The following GC variants were observed in gnomAD, a reference collection of about 807,000 sequenced individuals.
GC encodes the protein GC vitamin D binding protein, also known as vitamin D-binding protein.
In GC, 43 loss-of-function variants were observed where a neutral mutation model predicts 56.7. That is an observed-to-expected ratio of 0.76 (90% CI 0.59 to 0.98). The LOEUF is 0.98. Among genes scored for constraint, GC ranks in the 50% least tolerant of loss-of-function variants. The pLI is 0.00. For synonymous variants in GC, 216 were observed against 202.7 expected, an observed-to-expected ratio of 1.07 and a Z score of -0.56; for missense variants, 529 against 545.9, an observed-to-expected ratio of 0.97 and a Z score of 0.31.
intron 11 of GC, among the ~76,000 whole-genome samples, chr4:71,748,056 C>T (rs190094352): frequency 6.6e-6 from 1 of 152,230 alleles, no homozygotes; most frequent in Non-Finnish European, 1.5e-5. Context: ...CAGACTAATA[C>T]AGAATAAATT....
At chr4:71,784,974 A>T (rs1742798598), upstream of GC, among the ~76,000 whole-genome samples, 3 of 151,686 alleles carry the variant, frequency 2.0e-5, no homozygotes, top group South Asian at 6.2e-4. Flanking sequence ...TTGGAATTAG[A>T]TGAGTTCCAC....
At chr4:71,759,240 G>A (rs1432998196) in intron 6 of GC, among the ~76,000 whole-genome samples, 1 of 152,094 alleles carries the variant, frequency 6.6e-6, no homozygotes, top group Non-Finnish European at 1.5e-5. Flanking sequence ...TAATTCTGCA[G>A]TGAACATGGA....
intron 1 of GC, among the ~76,000 whole-genome samples, chr4:71,797,378 A>C (rs1743131318): frequency 6.6e-6 from 1 of 152,046 alleles, no homozygotes; most frequent in Admixed American, 6.5e-5. Context: ...TTGTTTACCT[A>C]CTCAAGCCTC....
intron 1 of GC, among the ~76,000 whole-genome samples, chr4:71,796,044 T>TCCCA (rs1743094625): frequency 6.6e-6 from 1 of 152,230 alleles, no homozygotes; most frequent in Non-Finnish European, 1.5e-5. Flanking sequence ...TGTGATGGTT[T>TCCCA]TCCATTTGTG....
In GC at chr4:71,741,855, T is replaced by A. The variant is rs1467603249; in HGVS notation, c.*41A>T. 1.4e-6 allele frequency: 1 copy of A among 703,004 alleles called. No individual in the cohort carries two copies. The highest frequency in any genetic ancestry group is 1.5e-5 in the South Asian group (1 of 67,610). The allele number at this position is 703,004 out of a possible 1,614,324, so 43.5% of individuals were successfully genotyped here. A position where few individuals can be genotyped will look rare whatever the true frequency, so the allele number is the denominator to read the frequency against. ...GGTCATCAGAGATCATTCCCCTGGG[T>A]GGCTCCAACTCTGGTCTATGAGAAT... On this transcript the variant is annotated 3_prime_UTR_variant, in exon 13 of 13. Coordinates refer to ENST00000273951, the MANE Select transcript of GC (RefSeq NM_000583.4).
intron 4 of GC, 125 bp downstream of exon 4, chr4:71,765,305 GAC>G: frequency 1.4e-6 from 1 of 730,272 alleles, no homozygotes; most frequent in Non-Finnish European, 2.4e-6. Context: ...TGTCTCAGAT[GAC>G]AGTCAAGTTA....
At chr4:71,759,055 G>T (rs141672264) in intron 6 of GC, among the ~76,000 whole-genome samples, 23 of 152,196 alleles carry the variant, frequency 1.5e-4, no homozygotes, top group African/African-American at 5.5e-4. Flanking sequence ...TTTCAGACTG[G>T]CATATTTCAC....
intron 6 of GC, among the ~76,000 whole-genome samples, chr4:71,761,146 C>T (rs1229366225): frequency 6.6e-6 from 1 of 152,070 alleles, no homozygotes; most frequent in East Asian, 1.9e-4. Flanking sequence ...AATGGCTTTG[C>T]CCAAAATGCT....
chr4:71,777,822 T>C (rs565311143), intron 1 of GC, among the ~76,000 whole-genome samples: 2 of 151,398 alleles, frequency 1.3e-5, no homozygotes, highest in Admixed American at 1.3e-4. Context: ...CACTCATAAA[T>C]GGGAGTCGAA....
At chr4:71,780,216 C>T (rs982098585) in intron 1 of GC, among the ~76,000 whole-genome samples, 3 of 151,946 alleles carry the variant, frequency 2.0e-5, no homozygotes, top group African/African-American at 7.2e-5. Flanking sequence ...TTCCTTACAC[C>T]TTATACAAAA....
At chr4:71,752,676 CT>C in intron 10 of GC, 26 bp from the exon 11 acceptor site, 1 of 1,594,152 alleles carries the variant, frequency 6.3e-7, no homozygotes, top group Non-Finnish European at 8.6e-7. Context: ...AATGTAAGGT[CT>C]TACTACATGT....
At chr4:71,785,753 A>T (rs1742817673), upstream of GC, among the ~76,000 whole-genome samples, 1 of 151,766 alleles carries the variant, frequency 6.6e-6, no homozygotes, top group African/African-American at 2.4e-5. Flanking sequence ...AAGTTAATTT[A>T]AAAATGTATT....
At chr4:71,779,447 A>G (rs906381994) in intron 1 of GC, among the ~76,000 whole-genome samples, 4 of 151,866 alleles carry the variant, frequency 2.6e-5, no homozygotes, top group Non-Finnish European at 4.4e-5. Flanking sequence ...ATATCTGGAC[A>G]ATCAATGTTC....
At chr4:71,746,355 C>A (rs925192389) in intron 11 of GC, 150 bp from the exon 12 acceptor site, 1 of 519,176 alleles carries the variant, frequency 1.9e-6, no homozygotes, top group South Asian at 3.0e-5. Context: ...TTTTTATTAG[C>A]CACCCTTTGC....
rs1743162171 is a variant in GC, at chr4:71,798,289, G to T, written c.21+5637C>A. On this transcript the variant is annotated intron_variant, in intron 1 of 13. Transcript: ENST00000504199. ...TTAATAAAAGCTGCTTTAAATCTTTGTCTACTACATACTGTGTTTGCAGCA... is the reference window on the plus strand; with the variant it reads ...TTAATAAAAGCTGCTTTAAATCTTTTTCTACTACATACTGTGTTTGCAGCA... Among the ~76,000 whole-genome samples the T allele has an allele frequency of 2.0e-5, 3 of 151,826 alleles. No individual in the cohort carries two copies. In the South Asian group the frequency reaches 6.2e-4, roughly 32 times the overall value.
chr4:71,780,818 A>G (rs907394597), intron 1 of GC, among the ~76,000 whole-genome samples: 1 of 152,128 alleles, frequency 6.6e-6, no homozygotes, highest in Admixed American at 6.6e-5. Context: ...ATTGCGGAAG[A>G]CAGTGTGACT....
At chr4:71,767,156 G>A (rs1450604389) in intron 3 of GC, among the ~76,000 whole-genome samples, 2 of 152,106 alleles carry the variant, frequency 1.3e-5, no homozygotes, top group Admixed American at 1.3e-4. Context: ...GACAGGTAAA[G>A]CAATTAATGG....
chr4:71,741,764 G>T lies in GC; in HGVS notation c.*132C>A. ...ATACTTGTCATTGTATGAAGATATT[G>T]TAGCTAGAAAAAGTAGAAAGTATCC... is the stretch of plus-strand genomic sequence containing the variant. On this transcript the variant is annotated 3_prime_UTR_variant, in exon 13 of 13. Coordinates refer to ENST00000273951, the MANE Select transcript of GC (RefSeq NM_000583.4). The T allele has an allele frequency of 1.4e-6, 1 of 696,932 alleles. No individual in the cohort carries two copies. Among genetic ancestry groups the T allele is most frequent in the East Asian group, 2.7e-5 (1 of 37,232 alleles). The allele number at this position is 696,932 out of a possible 1,614,324, so 43.2% of individuals were successfully genotyped here. A position where few individuals can be genotyped will look rare whatever the true frequency, so the allele number is the denominator to read the frequency against.
intron 11 of GC, among the ~76,000 whole-genome samples, chr4:71,747,590 A>G (rs1009128212): frequency 6.6e-6 from 1 of 152,196 alleles, no homozygotes; most frequent in African/African-American, 2.4e-5. Context: ...TTTAACAAGA[A>G]GGATATTGTT....
Sources: gnomAD v4.1 joint callset for allele counts (sites outside exome capture counted in the v4.1 genomes callset) on GRCh38, gnomAD v4.1.1 for gene constraint, MANE v1.5 for transcripts, NCBI Gene and HGNC (gene_info 2026-07-23, HGNC 2026-07-21) for gene names.